Variants in PRKAR1A observed in about 807,000 individuals in gnomAD.
PRKAR1A encodes protein kinase cAMP-dependent type I regulatory subunit alpha.
PRKAR1A carries 3 observed loss-of-function variants against 52.0 expected under a neutral mutation model. That is an observed-to-expected ratio of 0.06 (90% CI 0.03 to 0.15). The LOEUF (loss-of-function observed/expected upper bound fraction) is 0.15. Among genes scored for constraint, PRKAR1A ranks in the 10% least tolerant of loss-of-function variants. The probability of loss-of-function intolerance (pLI) is 1.00; values close to 1 mark genes in which losing one functional copy is unlikely to be tolerated. For missense variants in PRKAR1A, 240 were observed against 477.4 expected (o/e 0.50, Z 4.63); for synonymous variants, 188 against 168.4 (o/e 1.12, Z -0.90).
the PRKAR1A span, chr17:68,457,531 C>T: frequency 3.9e-6 from 1 of 259,490 alleles, no homozygotes; most frequent in Admixed American, 1.4e-4. Context: ...GCCCCTACCC[C>T]GCCCCGTCCC....
the PRKAR1A span, chr17:68,457,310 A>G: frequency 6.5e-7 from 1 of 1,537,260 alleles, no homozygotes; most frequent in South Asian, 1.2e-5. Flanking sequence ...TCTGTCCCCC[A>G]CCTCCCTGGC....
At chr17:68,481,940 G>A in the PRKAR1A span, among the ~76,000 whole-genome samples, 2 of 152,204 alleles carry the variant, frequency 1.3e-5, no homozygotes, top group Admixed American at 6.5e-5. Context: ...TAGGCAATGC[G>A]CTAGGTGCCA....
chr17:68,426,242 T>TGGGGG, the PRKAR1A span: 215 of 682,588 alleles, frequency 3.1e-4, 47 homozygotes, highest in Admixed American at 7.1e-4. Context: ...ACCTGGCGGG[T>TGGGGG]GGGGAGCGGG....
At chr17:68,454,811 T>A in the PRKAR1A span, among the ~76,000 whole-genome samples, 1 of 152,208 alleles carries the variant, frequency 6.6e-6, no homozygotes, top group Non-Finnish European at 1.5e-5. Context: ...TAATGCAAAG[T>A]GACAGCAATT....
chr17:68,426,254 G>GGGCCCCCCCCCCCCCCC, the PRKAR1A span: 1 of 816,896 alleles, frequency 1.2e-6, no homozygotes, highest in Non-Finnish European at 1.9e-6. Context: ...GGGAGCGGGG[G>GGGCCCCCCCCCCCCCCC]CTCAAATAAA....
the PRKAR1A span, chr17:68,457,377 C>A: frequency 3.0e-4 from 467 of 1,540,262 alleles, 2 homozygotes; most frequent in South Asian, 2.8e-3. Context: ...AGCTGAGCGC[C>A]GACTCAACCC....
intron 11 of PRKAR1A, among the ~76,000 whole-genome samples, chr17:68,549,494 CAAAA>C (rs34993560): frequency 4.4e-4 from 56 of 126,954 alleles, no homozygotes; most frequent in Non-Finnish European, 8.1e-4. Context: ...AACTCCATCT[CAAAA>C]AAAAAAAAAA....
chr17:68,532,012 A>C lies in PRKAR1A; in HGVS notation c.*1563A>C. 3 of 1,065,442 alleles carry C rather than the reference A, an allele frequency of 2.8e-6. No homozygotes were observed. The highest frequency in any genetic ancestry group is 3.4e-6 in the Non-Finnish European group (3 of 879,156). 66.0% of individuals were successfully genotyped at this position (1,065,442 alleles called of 1,614,324 possible). On this transcript the variant is annotated 3_prime_UTR_variant, in exon 11 of 11. Coordinates refer to ENST00000589228, the MANE Select transcript of PRKAR1A (RefSeq NM_002734.5). ...AGGTAATTTAAATTGGTCATGGTAG[A>C]TTTTTTTCATAGATTTGAAAAACTT...
the PRKAR1A span, among the ~76,000 whole-genome samples, chr17:68,475,047 C>T: frequency 3.9e-5 from 6 of 152,174 alleles, no homozygotes; most frequent in Non-Finnish European, 8.8e-5. Flanking sequence ...TCAATGAATA[C>T]ATTTAATGCA....
In PRKAR1A at chr17:68,515,447, A is replaced by C; in HGVS notation, c.48A>C (p.Arg16=). The C allele has an allele frequency of 6.2e-7, 1 of 1,613,642 alleles. No individual in the cohort carries two copies. ...CCAGTGAGGAGGCACGCAGCCTTCG[A>C]GAATGTGAGCTCTACGTCCAGAAGC... The part of the protein sequence containing the change: ...TAASEEARSL[R]ECELYVQKHN... Residue 16 remains arginine (R), a synonymous_variant, in exon 2 of 11, where the codon CGA becomes CGC. Transcript: ENST00000589228.
At chr17:68,433,776 T>TTTTTTTTG in the PRKAR1A span, among the ~76,000 whole-genome samples, 1 of 63,124 alleles carries the variant, frequency 1.6e-5, no homozygotes, top group African/African-American at 5.1e-5. Flanking sequence ...TTTTTTTTTT[T>TTTTTTTTG]TTTTTTTTTT....
the PRKAR1A span, among the ~76,000 whole-genome samples, chr17:68,504,297 T>G: frequency 6.9e-6 from 1 of 144,680 alleles, no homozygotes; most frequent in South Asian, 2.3e-4. Flanking sequence ...AAACCCCATC[T>G]CTACTAAAAA....
chr17:68,482,187 G>A, the PRKAR1A span, among the ~76,000 whole-genome samples: 1 of 152,190 alleles, frequency 6.6e-6, no homozygotes, highest in African/African-American at 2.4e-5. Context: ...AAGCGACAGG[G>A]AAAAAGACAG....
the PRKAR1A span, among the ~76,000 whole-genome samples, chr17:68,473,681 C>T: frequency 1.3e-5 from 2 of 152,106 alleles, no homozygotes; most frequent in Non-Finnish European, 2.9e-5. Context: ...CGCCACCATG[C>T]CTGGCTATTT....
At chr17:68,524,143 TTTTGTTTTATTGAAG>T (rs2085708594) in intron 5 of PRKAR1A, 66 bp downstream of exon 5, 3 of 1,547,238 alleles carry the variant, frequency 1.9e-6, no homozygotes, top group Non-Finnish European at 2.7e-6. Context: ...ATTTTTTTGG[TTTTGTTTTATTGAAG>T]TTTGTTTTCC....
At chr17:68,509,553 C>T (rs912117965), upstream of PRKAR1A, among the ~76,000 whole-genome samples, 1 of 152,156 alleles carries the variant, frequency 6.6e-6, no homozygotes, top group Non-Finnish European at 1.5e-5. Context: ...GGCTAACAGA[C>T]CTTTGAATCA....
chr17:68,468,654 G>A, the PRKAR1A span, among the ~76,000 whole-genome samples: 681 of 152,216 alleles, frequency 4.5e-3, 7 homozygotes, highest in African/African-American at 0.014. Context: ...AAATACGCAC[G>A]AGGAATAAAA....
chr17:68,503,057 G>A, the PRKAR1A span, among the ~76,000 whole-genome samples: 1 of 152,108 alleles, frequency 6.6e-6, no homozygotes, highest in African/African-American at 2.4e-5. Flanking sequence ...AATGGCCAAA[G>A]ACCTAAACAG....
the PRKAR1A span, among the ~76,000 whole-genome samples, chr17:68,457,670 C>A: frequency 6.6e-6 from 1 of 151,928 alleles, no homozygotes; most frequent in Non-Finnish European, 1.5e-5. Flanking sequence ...CCTGATAGGG[C>A]GGGGCCCCTG....
Sources: gnomAD v4.1 joint callset for allele counts (sites outside exome capture counted in the v4.1 genomes callset) on GRCh38, gnomAD v4.1.1 for gene constraint, MANE v1.5 for transcripts, NCBI Gene and HGNC (gene_info 2026-07-23, HGNC 2026-07-21) for gene names.